The following TTC6 variants were observed in gnomAD, a reference collection of about 807,000 sequenced individuals.
TTC6 encodes tetratricopeptide repeat protein 6.
TTC6 carries 172 observed loss-of-function variants against 210.4 expected under a neutral mutation model. The observed-to-expected ratio is 0.82, with a 90% CI of 0.72 to 0.93. TTC6 has a LOEUF of 0.93. TTC6 is among the 40% of genes least tolerant of loss of function. The pLI is 0.00. For missense variants in TTC6, 2,414 were observed against 2,318.1 expected, an observed-to-expected ratio of 1.04 and a Z score of -0.85; for synonymous variants, 804 against 819.6, an observed-to-expected ratio of 0.98 and a Z score of 0.32.
In TTC6 at chr14:37,707,733, T is replaced by G. The variant is rs77996056; in HGVS notation, c.1571+6207T>G. On this transcript the variant is annotated intron_variant, in intron 5 of 30. Coordinates refer to ENST00000553443, the Ensembl canonical transcript of TTC6. ...TTTCATTTTTGTAGTTTGGAGACTGTCTTCACAGAAATCATTTTGGGTTTT... is the reference window on the plus strand; with the variant it reads ...TTTCATTTTTGTAGTTTGGAGACTGGCTTCACAGAAATCATTTTGGGTTTT... 4.7e-3 allele frequency among the ~76,000 whole-genome samples: 714 copies of G among 152,256 alleles called. 8 individuals are homozygous for G. Among genetic ancestry groups the G allele is most frequent in the East Asian group, 8.3e-3 (43 of 5,188 alleles).
At chr14:37,632,019 C>CTTT (rs2095670885) in intron 1 of TTC6, among the ~76,000 whole-genome samples, 1 of 152,032 alleles carries the variant, frequency 6.6e-6, no homozygotes, top group South Asian at 2.1e-4. Flanking sequence ...TTCCTCTAAC[C>CTTT]TTTTTTCAAG....
At chr14:37,780,696 G>A (rs1426005772) in intron 14 of TTC6, among the ~76,000 whole-genome samples, 3 of 151,958 alleles carry the variant, frequency 2.0e-5, no homozygotes, top group Admixed American at 2.0e-4. Flanking sequence ...TTGTTACCTA[G>A]GTATACATGT....
intron 14 of TTC6, among the ~76,000 whole-genome samples, chr14:37,762,907 G>T (rs529876152): frequency 1.0e-4 from 14 of 136,666 alleles, no homozygotes; most frequent in African/African-American, 3.8e-4. Flanking sequence ...TTGAGACGGA[G>T]TCTGGCTCTG....
intron 14 of TTC6, among the ~76,000 whole-genome samples, chr14:37,770,177 A>T (rs989787298): frequency 1.3e-5 from 2 of 151,990 alleles, no homozygotes; most frequent in African/African-American, 4.8e-5. Context: ...ATAGTTTGTT[A>T]TAATTTCTGT....
intron 26 of TTC6, among the ~76,000 whole-genome samples, chr14:37,819,313 A>G (rs548132019): frequency 6.6e-6 from 1 of 152,010 alleles, no homozygotes; most frequent in East Asian, 1.9e-4. Context: ...CCACAGATGC[A>G]TGGACTGTAA....
intron 1 of TTC6, among the ~76,000 whole-genome samples, chr14:37,650,723 A>G (rs1431284160): frequency 2.6e-5 from 4 of 152,102 alleles, no homozygotes; most frequent in African/African-American, 7.2e-5. Flanking sequence ...TTTTTTTCTT[A>G]TAAATTGACT....
chr14:37,740,800 A>G (rs577415310), intron 10 of TTC6, among the ~76,000 whole-genome samples: 49 of 152,360 alleles, frequency 3.2e-4, no homozygotes, highest in Non-Finnish European at 5.3e-4. Flanking sequence ...AAGTTTGCTT[A>G]TACATTTTCA....
chr14:37,630,358 A>C (rs1351732539), intron 1 of TTC6, among the ~76,000 whole-genome samples: 1 of 152,158 alleles, frequency 6.6e-6, no homozygotes, highest in East Asian at 1.9e-4. Context: ...ATTCAGGAGC[A>C]GGTTATTGAG....
chr14:37,656,248 T>C (rs1459834621), intron 1 of TTC6, among the ~76,000 whole-genome samples: 2 of 152,168 alleles, frequency 1.3e-5, no homozygotes, highest in Admixed American at 1.3e-4. Flanking sequence ...CCAAAAGGCA[T>C]CCCAAAAACT....
At chr14:37,651,268 C>A (rs1005353878) in intron 1 of TTC6, among the ~76,000 whole-genome samples, 1 of 150,876 alleles carries the variant, frequency 6.6e-6, no homozygotes, top group African/African-American at 2.4e-5. Flanking sequence ...TCTCTGTCAA[C>A]ACAATTCATA....
At chr14:37,836,278 A>G (rs1258790984) in intron 29 of TTC6, among the ~76,000 whole-genome samples, 6 of 152,168 alleles carry the variant, frequency 3.9e-5, no homozygotes, top group African/African-American at 9.7e-5. Flanking sequence ...AGTAAAGACA[A>G]TTGCTCAAAG....
chr14:37,792,260 T>A lies in TTC6; in HGVS notation c.3558-4T>A. The A allele has an allele frequency of 6.7e-7, 1 of 1,496,276 alleles. No individual in the cohort carries two copies. Among genetic ancestry groups the A allele is most frequent in the Non-Finnish European group, 8.8e-7 (1 of 1,132,080 alleles). The allele number at this position is 1,496,276 out of a possible 1,614,324, so 92.7% of individuals were successfully genotyped here. A position where few individuals can be genotyped will look rare whatever the true frequency, so the allele number is the denominator to read the frequency against. On this transcript the variant is annotated splice_polypyrimidine_tract_variant and splice_region_variant and intron_variant, in intron 16 of 30. Coordinates refer to ENST00000553443, the Ensembl canonical transcript of TTC6. The stretch of plus-strand genomic sequence containing the variant: ...CAAGATTTCACTTTCTCATTTTTTT[T>A]TAGAACTATTACTTTGGCTTATGTA...
chr14:37,751,257 A>T, intron 13 of TTC6, 32 bp downstream of exon 15: 1 of 1,472,014 alleles, frequency 6.8e-7, no homozygotes, highest in South Asian at 1.4e-5. Flanking sequence ...TCTACCATTT[A>T]TATAGTTTAG....
chr14:37,630,277 G>C (rs2095667114), intron 1 of TTC6, among the ~76,000 whole-genome samples: 1 of 152,098 alleles, frequency 6.6e-6, no homozygotes, highest in South Asian at 2.1e-4. Flanking sequence ...CTAGTATGTT[G>C]TGTCTTTGTT....
chr14:37,627,843 G>A (rs986948861), intron 1 of TTC6, among the ~76,000 whole-genome samples: 5 of 152,106 alleles, frequency 3.3e-5, no homozygotes, highest in African/African-American at 1.2e-4. Context: ...TGGTATTTCT[G>A]GTTCTAGATC....
intron 1 of TTC6, among the ~76,000 whole-genome samples, chr14:37,602,581 G>T (rs2095617740): frequency 6.6e-6 from 1 of 152,174 alleles, no homozygotes; most frequent in Non-Finnish European, 1.5e-5. Context: ...CGCCGCATCT[G>T]GTGTCCTCGA....
At chr14:37,619,979 A>C (rs554668065), upstream of TTC6, among the ~76,000 whole-genome samples, 3 of 152,282 alleles carry the variant, frequency 2.0e-5, no homozygotes, top group South Asian at 6.2e-4. Flanking sequence ...ATTTAGTTGA[A>C]TCTTTCTTCA....
rs2095609272 is a variant in TTC6 at position 37,598,677 on chromosome 14, G to C, written c.-235+2669G>C. Among the ~76,000 whole-genome samples the C allele has an allele frequency of 6.6e-6, 1 of 152,110 alleles. No homozygotes were observed. On this transcript the variant is annotated intron_variant, in intron 1 of 2. Transcript: ENST00000556845. The surrounding 1 kb of genome is among the most constrained non-coding windows in gnomAD (Gnocchi z 4.9). ...GCCGCGGCCTCGGGCCTCGGGCCCC[G>C]GGCCCAGACGGCGGCCTCTCGCGGC... is the stretch of plus-strand genomic sequence containing the variant.
intron 1 of TTC6, among the ~76,000 whole-genome samples, chr14:37,646,004 C>T (rs144642341): frequency 1.3e-5 from 2 of 152,268 alleles, no homozygotes; most frequent in African/African-American, 4.8e-5. Flanking sequence ...AACGACTACA[C>T]TGGAAGACAT....
Sources: gnomAD v4.1 joint callset for allele counts (sites outside exome capture counted in the v4.1 genomes callset) on GRCh38, gnomAD v4.1.1 for gene constraint, Gnocchi (gnomAD v3.1) non-coding constraint, MANE v1.5 for transcripts, NCBI Gene and HGNC (gene_info 2026-07-23, HGNC 2026-07-21) for gene names.